Variants in GGTA1 observed in about 807,000 individuals in gnomAD.
The protein encoded by GGTA1 is glycoprotein alpha-galactosyltransferase 1 (inactive), also known as inactive N-acetyllactosaminide alpha-1,3-galactosyltransferase.
In GGTA1, 5 loss-of-function variants were observed where a neutral mutation model predicts 2.6. That is an observed-to-expected ratio of 1.92 (90% CI 1.00 to 4.04). The LOEUF is 4.04. Among genes scored for constraint, GGTA1 ranks in the 30% most tolerant of loss-of-function variants. GGTA1 has a pLI of 0.00. For missense variants in GGTA1, 50 were observed against 16.7 expected, an observed-to-expected ratio of 2.99 and a Z score of -3.47; for synonymous variants, 17 against 5.0, an observed-to-expected ratio of 3.38 and a Z score of -3.19.
intron 1 of GGTA1, among the ~76,000 whole-genome samples, chr9:121,474,159 G>A (rs981423238): frequency 6.6e-6 from 1 of 152,016 alleles, no homozygotes; most frequent in Non-Finnish European, 1.5e-5. Flanking sequence ...TGTCCCCTGG[G>A]TCCCACCCCT....
At chr9:121,466,935 A>G (rs2065008565) in intron 2 of GGTA1, among the ~76,000 whole-genome samples, 1 of 149,888 alleles carries the variant, frequency 6.7e-6, no homozygotes, top group South Asian at 2.1e-4. Flanking sequence ...CCTAGGTGAC[A>G]AGAGAGAGAC....
At position 121,476,265 on chromosome 9, in the gene GGTA1, C is replaced by T. The variant is rs1828507013; in HGVS notation, c.-9-8334G>A. ...TCCATGCCCTGCTCTATCCCAGGAA[C>T]ACGGCTCTGACCAGACCAGCTGCAC... On this transcript the variant is annotated intron_variant, in intron 1 of 5. Transcript: ENST00000481799. The surrounding 1 kb of genome is among the most constrained non-coding windows in gnomAD (Gnocchi z 4.6). Among the ~76,000 whole-genome samples the T allele has an allele frequency of 2.6e-5, 4 of 152,134 alleles. No homozygotes were observed. In the South Asian group the frequency reaches 8.3e-4, roughly 32 times the overall value.
At chr9:121,463,407 A>T in intron 2 of GGTA1, 79 bp from the exon 3 acceptor site, 2 of 427,806 alleles carry the variant, frequency 4.7e-6, no homozygotes, top group Non-Finnish European at 9.3e-6. Flanking sequence ...ATTATCACTG[A>T]GCCCGGGGCT....
At chr9:121,483,101 T>C (rs907151674) in intron 1 of GGTA1, among the ~76,000 whole-genome samples, 4 of 152,232 alleles carry the variant, frequency 2.6e-5, no homozygotes, top group Non-Finnish European at 5.9e-5. Context: ...CCCGGTCTCA[T>C]GTGCCTCCCA....
intron 5 of GGTA1, among the ~76,000 whole-genome samples, chr9:121,459,749 T>A (rs2064944414): frequency 6.6e-6 from 1 of 152,106 alleles, no homozygotes. Context: ...CAGAACCACA[T>A]CCTTCCAGTT....
chr9:121,449,839 CAA>C (rs35123086), intron 7 of GGTA1, among the ~76,000 whole-genome samples: 31 of 94,344 alleles, frequency 3.3e-4, no homozygotes, highest in African/African-American at 7.9e-4. Context: ...GACTCCATCT[CAA>C]AAAAAAAAAA....
intron 2 of GGTA1, among the ~76,000 whole-genome samples, chr9:121,464,594 T>C (rs2064988399): frequency 7.9e-6 from 1 of 126,016 alleles, no homozygotes; most frequent in South Asian, 2.3e-4. Flanking sequence ...TCCAAAGTAC[T>C]GAGACTCCAT....
chr9:121,479,145 G>T (rs1828580122), intron 1 of GGTA1: 1 of 454,424 alleles, frequency 2.2e-6, no homozygotes, highest in Non-Finnish European at 4.4e-6. Flanking sequence ...CAAAACTACT[G>T]AGGGGGCCAC....
intron 1 of GGTA1, among the ~76,000 whole-genome samples, chr9:121,479,699 A>AAC (rs2118730521): frequency 6.6e-6 from 1 of 152,240 alleles, no homozygotes; most frequent in South Asian, 2.1e-4. Context: ...GAGACGTTAA[A>AAC]ACACACACAC....
chr9:121,468,132 C>A (rs897039206), intron 1 of GGTA1, among the ~76,000 whole-genome samples: 1 of 152,184 alleles, frequency 6.6e-6, no homozygotes, highest in African/African-American at 2.4e-5. Flanking sequence ...AACCCATCAT[C>A]TACATTAGGT....
chr9:121,450,295 T>G (rs1479364530), downstream of GGTA1, among the ~76,000 whole-genome samples: 1 of 149,608 alleles, frequency 6.7e-6, no homozygotes, highest in African/African-American at 2.5e-5. Context: ...AAAAATCTAT[T>G]GTGCCCTGAA....
rs113690058 is a variant in GGTA1, at chr9:121,449,922, A to C, written c.*118+2222T>G. 1.2e-3 allele frequency among the ~76,000 whole-genome samples: 178 copies of C among 152,140 alleles called. 1 individual carries two copies. Among genetic ancestry groups the C allele is most frequent in the African/African-American group, 4.1e-3 (169 of 41,512 alleles). The stretch of plus-strand genomic sequence containing the variant: ...CTTCTGTAAGCCTAAGCTATAGACT[A>C]TTTGTGAAGCTATGCTATGGAGATT... On this transcript the variant is annotated intron_variant and NMD_transcript_variant, in intron 7 of 7. Transcript: ENST00000481534.
At chr9:121,467,591 G>T (rs2065014066) in intron 2 of GGTA1, among the ~76,000 whole-genome samples, 1 of 152,148 alleles carries the variant, frequency 6.6e-6, no homozygotes, top group Admixed American at 6.5e-5. Flanking sequence ...TCTGGATCTA[G>T]CCTACTGTTA....
chr9:121,489,450 G>A (rs1032230034), intron 1 of GGTA1, among the ~76,000 whole-genome samples: 1 of 152,152 alleles, frequency 6.6e-6, no homozygotes, highest in African/African-American at 2.4e-5. Flanking sequence ...CCCTCCCAAA[G>A]TGCTGGGATT....
rs771828281 is a variant in GGTA1, at chr9:121,461,821, C to T, written c.117-504G>A. ...ACAAGTTATACGCTTCATGAAAAAC[C>T]GATGCATGTTTCCATGTTTCTTTAG... On this transcript the variant is annotated intron_variant, in intron 3 of 5. Coordinates refer to ENST00000481799, the MANE Select transcript of GGTA1 (RefSeq NM_001382585.1). 1.3e-4 allele frequency among the ~76,000 whole-genome samples: 20 copies of T among 152,220 alleles called. No individual in the cohort carries two copies. The East Asian group carries it at 2.7e-3, about 21-fold the overall frequency.
intron 1 of GGTA1, among the ~76,000 whole-genome samples, chr9:121,481,680 C>CAAAAAA (rs34813039): frequency 1.6e-5 from 1 of 64,220 alleles, no homozygotes; most frequent in Non-Finnish European, 2.8e-5. Context: ...GACTCTGTCT[C>CAAAAAA]AAAAAAAAAA....
chr9:121,486,925 A>T (rs556982029), intron 1 of GGTA1, among the ~76,000 whole-genome samples: 1 of 152,298 alleles, frequency 6.6e-6, no homozygotes, highest in Non-Finnish European at 1.5e-5. Flanking sequence ...AGCAGAACTC[A>T]GGTACCCCTA....
intron 7 of GGTA1, among the ~76,000 whole-genome samples, chr9:121,449,832 T>C (rs1313849627): frequency 1.7e-4 from 12 of 69,170 alleles, no homozygotes; most frequent in Non-Finnish European, 2.4e-4. Context: ...AGAGCAAGAC[T>C]CCATCTCAAA....
Position 121,482,727 on chromosome 9 carries a change from C to A in GGTA1, c.-9-14796G>T, listed in dbSNP as rs143713340. Among the ~76,000 whole-genome samples, 1,248 of 152,206 alleles carry A rather than the reference C, an allele frequency of 8.2e-3. 18 individuals are homozygous for A. The highest frequency in any genetic ancestry group is 0.029 in the African/African-American group (1,190 of 41,522). On this transcript the variant is annotated intron_variant, in intron 1 of 5. Coordinates refer to ENST00000481799, the MANE Select transcript of GGTA1 (RefSeq NM_001382585.1). ...GAGTTTGCGGTGAGCCAAGATTGTGCCACTGCACTCCAGCCCGGGCAATAG... is the reference window on the plus strand; with the variant it reads ...GAGTTTGCGGTGAGCCAAGATTGTGACACTGCACTCCAGCCCGGGCAATAG...
Sources: gnomAD v4.1 joint callset for allele counts (sites outside exome capture counted in the v4.1 genomes callset) on GRCh38, gnomAD v4.1.1 for gene constraint, Gnocchi (gnomAD v3.1) non-coding constraint, MANE v1.5 for transcripts, NCBI Gene and HGNC (gene_info 2026-07-23, HGNC 2026-07-21) for gene names.